Variants in WDPCP observed in about 807,000 individuals in gnomAD.
The protein encoded by WDPCP is WD repeat containing planar cell polarity effector, also known as WD repeat-containing and planar cell polarity effector protein fritz homolog.
A neutral mutation model predicts 93.1 loss-of-function variants in WDPCP; 71 were observed. That is an observed-to-expected ratio of 0.76 (90% confidence interval 0.63 to 0.93). The LOEUF (loss-of-function observed/expected upper bound fraction) is 0.93, where lower values mean the gene tolerates loss of function less well. Among genes scored for constraint, WDPCP ranks in the 40% least tolerant of loss-of-function variants. The pLI is 0.00. For synonymous variants in WDPCP, 315 were observed against 315.0 expected (o/e 1.00, Z 0.00); for missense variants, 844 against 887.4 (o/e 0.95, Z 0.62).
intron 14 of WDPCP, among the ~76,000 whole-genome samples, chr2:63,236,435 T>G (rs911424625): frequency 1.1e-4 from 17 of 152,130 alleles, no homozygotes; most frequent in African/African-American, 4.1e-4. Flanking sequence ...GCTATTCCTA[T>G]CCAGTTACCA....
chr2:63,692,241 A>G (rs1668900397), intron 2 of WDPCP, among the ~76,000 whole-genome samples: 1 of 152,016 alleles, frequency 6.6e-6, no homozygotes, highest in Non-Finnish European at 1.5e-5. Context: ...ATCACGACAT[A>G]ATTTAAAACT....
chr2:63,282,780 T>C (rs1683669910), intron 13 of WDPCP, among the ~76,000 whole-genome samples: 4 of 152,100 alleles, frequency 2.6e-5, no homozygotes, highest in South Asian at 4.1e-4. Flanking sequence ...TAATGAGGGA[T>C]TTGTCTCATG....
intron 2 of WDPCP, among the ~76,000 whole-genome samples, chr2:63,804,920 C>T (rs943556386): frequency 1.3e-4 from 20 of 151,710 alleles, no homozygotes; most frequent in East Asian, 3.9e-4. Flanking sequence ...TCCAGCTACT[C>T]GGGAGGCTGA....
intron 17 of WDPCP, among the ~76,000 whole-genome samples, chr2:63,129,866 C>A (rs558209880): frequency 2.0e-5 from 3 of 152,130 alleles, no homozygotes; most frequent in South Asian, 4.2e-4. Context: ...CTTATAATAC[C>A]TAATACAATG....
intron 1 of WDPCP, among the ~76,000 whole-genome samples, chr2:63,531,023 G>A (rs565622467): frequency 3.9e-4 from 59 of 152,332 alleles, no homozygotes; most frequent in South Asian, 1.2e-3. Context: ...TTGGCAAACC[G>A]CACACCAGGA....
chr2:63,433,786 C>T lies in WDPCP; in HGVS notation c.784G>A (p.Ala262Thr). Residue 262 changes from alanine to threonine, a missense_variant, in exon 9 of 18, where the codon GCC (alanine) becomes ACC (threonine). Physicochemically the swap from Ala to Thr is moderately conservative, Grantham distance 58 (BLOSUM62 0). Transcript: ENST00000272321. The stretch of plus-strand genomic sequence containing the variant: ...GCATAACCCAGGAGGAGTAGATTGG[C>T]TCTGTCCTTCTCAGAAGAAATGGGG... The part of the protein sequence containing the change: ...WAPISSEKDR[A>T]NLLLLGYAQG... 1 of 1,612,242 alleles carries T rather than the reference C, an allele frequency of 6.2e-7. No individual in the cohort carries two copies. The highest frequency in any genetic ancestry group is 8.5e-7 in the Non-Finnish European group (1 of 1,178,434).
At chr2:63,206,729 T>A (rs1676364622) in intron 14 of WDPCP, among the ~76,000 whole-genome samples, 1 of 152,146 alleles carries the variant, frequency 6.6e-6, no homozygotes, top group South Asian at 2.1e-4. Flanking sequence ...ACTCTTCTTA[T>A]TCTCCCTATA....
chr2:63,145,844 G>C (rs1671459222), intron 17 of WDPCP, among the ~76,000 whole-genome samples: 1 of 152,154 alleles, frequency 6.6e-6, no homozygotes, highest in Non-Finnish European at 1.5e-5. Flanking sequence ...CATGAGCATG[G>C]AATGTTTTTC....
intron 12 of WDPCP, among the ~76,000 whole-genome samples, chr2:63,355,975 A>G (rs997579986): frequency 6.6e-6 from 1 of 152,206 alleles, no homozygotes; most frequent in Non-Finnish European, 1.5e-5. Flanking sequence ...TAAAAGGTAC[A>G]ATGTGGCAAG....
intron 9 of WDPCP, among the ~76,000 whole-genome samples, chr2:63,408,390 G>A (rs1014726062): frequency 3.9e-5 from 6 of 152,108 alleles, no homozygotes; most frequent in Non-Finnish European, 7.4e-5. Context: ...AGAGAGTGGA[G>A]CAAAATACAG....
intron 12 of WDPCP, among the ~76,000 whole-genome samples, chr2:63,366,527 TATCTATC>T (rs1254558567): frequency 1.2e-3 from 10 of 8,014 alleles, no homozygotes; most frequent in Non-Finnish European, 1.3e-3. Context: ...CCTTATTATC[TATCTATC>T]TTCCAGACTT....
chr2:63,306,624 G>A (rs1012696673), intron 13 of WDPCP, among the ~76,000 whole-genome samples: 5 of 152,112 alleles, frequency 3.3e-5, no homozygotes, highest in African/African-American at 1.2e-4. Context: ...CACATAAACA[G>A]AACCAATGAC....
At chr2:63,611,551 T>A (rs1709614657) in intron 3 of WDPCP, among the ~76,000 whole-genome samples, 1 of 152,212 alleles carries the variant, frequency 6.6e-6, no homozygotes, top group Non-Finnish European at 1.5e-5. Flanking sequence ...CTTAAGAATT[T>A]GACTATGAAA....
intron 1 of WDPCP, among the ~76,000 whole-genome samples, chr2:63,535,048 G>T (rs1314936678): frequency 1.3e-5 from 2 of 152,148 alleles, no homozygotes; most frequent in South Asian, 2.1e-4. Context: ...AAAATCACAA[G>T]CATTCCTATA....
intron 1 of WDPCP, among the ~76,000 whole-genome samples, chr2:63,824,742 TTTTTGTA>T (rs1242460395): frequency 3.3e-5 from 5 of 152,010 alleles, no homozygotes; most frequent in Non-Finnish European, 7.4e-5. Flanking sequence ...TGTGTATCTC[TTTTTGTA>T]TTTACAGTTT....
chr2:63,838,019 C>T, the WDPCP span, among the ~76,000 whole-genome samples: 2 of 151,914 alleles, frequency 1.3e-5, no homozygotes, highest in South Asian at 4.2e-4. Context: ...TCCAGCTACT[C>T]AGGAGGTGGA....
intron 13 of WDPCP, among the ~76,000 whole-genome samples, chr2:63,260,828 G>A (rs1044389831): frequency 2.6e-5 from 4 of 152,306 alleles, no homozygotes; most frequent in East Asian, 1.9e-4. Flanking sequence ...GATTACAGGC[G>A]TGAGCCACCA....
intron 1 of WDPCP, among the ~76,000 whole-genome samples, chr2:63,530,246 G>T (rs894732904): frequency 2.0e-5 from 3 of 152,056 alleles, no homozygotes; most frequent in African/African-American, 7.2e-5. Flanking sequence ...CTGCTAGCTT[G>T]TGAATGTGTT....
intron 2 of WDPCP, among the ~76,000 whole-genome samples, chr2:63,795,093 G>C (rs560587394): frequency 6.6e-6 from 1 of 152,250 alleles, no homozygotes; most frequent in South Asian, 2.1e-4. Context: ...CTGATTAACA[G>C]AAATTCTCAT....
Sources: gnomAD v4.1 joint callset for allele counts (sites outside exome capture counted in the v4.1 genomes callset) on GRCh38, gnomAD v4.1.1 for gene constraint, MANE v1.5 for transcripts, NCBI Gene and HGNC (gene_info 2026-07-23, HGNC 2026-07-21) for gene names.